Variants in CIMIP2C observed in about 807,000 individuals in gnomAD.
CIMIP2C encodes UPF0573 protein C2orf70.
the CIMIP2C span, chr2:26,562,893 C>T: frequency 1.7e-6 from 1 of 573,322 alleles, no homozygotes; most frequent in East Asian, 3.1e-5. Context: ...CCCAGATTCC[C>T]CTTCACAGGA....
the CIMIP2C span, among the ~76,000 whole-genome samples, chr2:26,563,562 G>A: frequency 2.0e-5 from 3 of 152,134 alleles, no homozygotes; most frequent in Admixed American, 2.0e-4. Context: ...TACAGTATCA[G>A]CAAATCTGTA....
At chr2:26,577,573 C>G in the CIMIP2C span, 1 of 1,614,028 alleles carries the variant, frequency 6.2e-7, no homozygotes, top group Non-Finnish European at 8.5e-7. Flanking sequence ...GCCTCGAGTC[C>G]CCTACTTTGC....
the CIMIP2C span, chr2:26,577,411 G>GGT: frequency 9.5e-7 from 1 of 1,050,896 alleles, no homozygotes; most frequent in Non-Finnish European, 1.4e-6. Context: ...CATTAGGGGA[G>GGT]GTGGCCCCCA....
the CIMIP2C span, chr2:26,572,180 C>T: frequency 6.6e-7 from 1 of 1,510,516 alleles, no homozygotes; most frequent in Non-Finnish European, 8.8e-7. Context: ...CCCCTCCACC[C>T]ACCCCCCAAT....
the CIMIP2C span, among the ~76,000 whole-genome samples, chr2:26,565,430 G>GTTGCCC: frequency 6.6e-6 from 1 of 152,176 alleles, no homozygotes; most frequent in Admixed American, 6.5e-5. Context: ...CCCAGATGAG[G>GTTGCCC]AATGAGCAGC....
the CIMIP2C span, chr2:26,562,899 C>A: frequency 1.8e-5 from 10 of 569,200 alleles, no homozygotes; most frequent in African/African-American, 2.0e-4. Context: ...TTCCCCTTCA[C>A]AGGAAGGCGC....
chr2:26,568,180 T>G, the CIMIP2C span, among the ~76,000 whole-genome samples: 2 of 152,334 alleles, frequency 1.3e-5, no homozygotes, highest in African/African-American at 4.8e-5. Context: ...CTACAGTCCC[T>G]CAATTCTTCT....
the CIMIP2C span, among the ~76,000 whole-genome samples, chr2:26,573,438 G>A: frequency 6.6e-6 from 1 of 152,252 alleles, no homozygotes; most frequent in Non-Finnish European, 1.5e-5. Flanking sequence ...AAAGATGACG[G>A]AAGAAGGGCA....
At chr2:26,577,482 A>G in the CIMIP2C span, 1 of 1,594,818 alleles carries the variant, frequency 6.3e-7, no homozygotes, top group Non-Finnish European at 8.6e-7. Context: ...CTGTGCACTA[A>G]CAACCTGTCA....
At chr2:26,573,330 C>A in the CIMIP2C span, among the ~76,000 whole-genome samples, 1 of 146,198 alleles carries the variant, frequency 6.8e-6, no homozygotes, top group Admixed American at 6.6e-5. Context: ...TGCCTATAAA[C>A]GGGCACCAGC....
chr2:26,569,914 A>G, the CIMIP2C span, among the ~76,000 whole-genome samples: 1 of 152,186 alleles, frequency 6.6e-6, no homozygotes, highest in Non-Finnish European at 1.5e-5. Context: ...CAACACAAAC[A>G]GGACTGCAGA....
the CIMIP2C span, chr2:26,578,795 C>T: frequency 2.1e-6 from 1 of 471,250 alleles, no homozygotes; most frequent in Non-Finnish European, 4.4e-6. Context: ...GCCACTTGCA[C>T]TGCTGCTGAC....
the CIMIP2C span, among the ~76,000 whole-genome samples, chr2:26,575,076 A>G: frequency 1.3e-5 from 2 of 152,176 alleles, no homozygotes; most frequent in East Asian, 1.9e-4. Context: ...CATTTAACCA[A>G]GGATCTCTAG....
At chr2:26,577,902 C>A in the CIMIP2C span, 1 of 439,770 alleles carries the variant, frequency 2.3e-6, no homozygotes, top group Non-Finnish European at 4.1e-6. Flanking sequence ...GCTTAGTGGG[C>A]CTGAATCTGC....
chr2:26,575,059 C>T, the CIMIP2C span, among the ~76,000 whole-genome samples: 3 of 152,206 alleles, frequency 2.0e-5, no homozygotes, highest in Admixed American at 6.5e-5. Flanking sequence ...GCTCTTGGAG[C>T]GAGTCTCATT....
the CIMIP2C span, among the ~76,000 whole-genome samples, chr2:26,565,868 C>T: frequency 3.3e-5 from 5 of 152,246 alleles, no homozygotes; most frequent in African/African-American, 1.2e-4. Flanking sequence ...CCTCGCCGGC[C>T]AGGGTGCTCC....
At chr2:26,578,653 C>T in the CIMIP2C span, 1 of 431,524 alleles carries the variant, frequency 2.3e-6, no homozygotes, top group Non-Finnish European at 4.8e-6. Flanking sequence ...GCCAGTCCAT[C>T]CCTAGAGTAT....
the CIMIP2C span, among the ~76,000 whole-genome samples, chr2:26,565,425 A>AGGT: frequency 6.6e-6 from 1 of 152,120 alleles, no homozygotes; most frequent in Admixed American, 6.5e-5. Context: ...AATAACCCAG[A>AGGT]TGAGGAATGA....
the CIMIP2C span, among the ~76,000 whole-genome samples, chr2:26,573,742 G>A: frequency 2.6e-5 from 4 of 152,204 alleles, no homozygotes; most frequent in South Asian, 2.1e-4. Flanking sequence ...TGTCAAGGGC[G>A]GCGCCTCTGT....
Sources: gnomAD v4.1 joint callset for allele counts (sites outside exome capture counted in the v4.1 genomes callset) on GRCh38, gnomAD v4.1.1 for gene constraint, MANE v1.5 for transcripts, NCBI Gene and HGNC (gene_info 2026-07-23, HGNC 2026-07-21) for gene names.